Variants in USP6 observed in about 807,000 individuals in gnomAD.
USP6 encodes ubiquitin carboxyl-terminal hydrolase 6.
Under a neutral mutation model 175.7 loss-of-function variants are expected in USP6, and 128 were observed. The observed-to-expected ratio is 0.73, with a 90% confidence interval of 0.63 to 0.84. The LOEUF is 0.84. USP6 is among the 40% of genes least tolerant of loss of function. The pLI is 0.00. For synonymous variants in USP6, 562 were observed against 630.6 expected, an observed-to-expected ratio of 0.89 and a Z score of 1.63; for missense variants, 1,498 against 1,760.3, an observed-to-expected ratio of 0.85 and a Z score of 2.67.
Position 5,132,531 on chromosome 17 carries a change from G to C in USP6, c.195+96G>C. 6.2e-7 allele frequency: 1 copy of C among 1,601,544 alleles called. No homozygotes were observed. On this transcript the variant is annotated intron_variant, in intron 12 of 37. Coordinates refer to ENST00000574788, the MANE Select transcript of USP6 (RefSeq NM_001304284.2). The surrounding 1 kb of genome is among the most constrained non-coding windows in gnomAD (Gnocchi z 4.7). ...GAAGCAGCTGGCCTGGGCGGTGGCGGGTGAGGGCAACACGCTGTCACTGGG... is the reference window on the plus strand; with the variant it reads ...GAAGCAGCTGGCCTGGGCGGTGGCGCGTGAGGGCAACACGCTGTCACTGGG...
intron 31 of USP6, among the ~76,000 whole-genome samples, chr17:5,160,587 A>G (rs2073985151): frequency 6.6e-6 from 1 of 152,244 alleles, no homozygotes; most frequent in Non-Finnish European, 1.5e-5. Flanking sequence ...AAGTTACTCC[A>G]TGGTGTATAT....
rs147581188 is a variant in USP6 at position 5,132,920 on chromosome 17, G to A, written c.206G>A (p.Arg69Gln). ...VTAREAKKIR[R>Q]EMTRTSKWME... ...TGCCTCATTTGACAGAAAATTCGGC[G>A]GGAGATGACACGAACGAGCAAGTGG... Residue 69 changes from arginine to glutamine, a missense_variant, in exon 13 of 38, where the codon CGG becomes CAG. By Grantham distance (43) the Arg-to-Gln change is conservative. Coordinates refer to ENST00000574788, the MANE Select transcript of USP6 (RefSeq NM_001304284.2). The surrounding 1 kb of genome is among the most constrained non-coding windows in gnomAD (Gnocchi z 4.7). 2.6e-5 allele frequency: 42 copies of A among 1,614,018 alleles called. No homozygotes were observed. The East Asian group carries it at 2.7e-4, about 10-fold the overall frequency.
At chr17:5,130,177 C>T (rs1390908822) in intron 9 of USP6, 88 bp downstream of exon 9, 1 of 597,082 alleles carries the variant, frequency 1.7e-6, no homozygotes, top group African/African-American at 1.9e-5. Flanking sequence ...ATGCCCACCC[C>T]TGCTTGGGGC....
intron 4 of USP6, among the ~76,000 whole-genome samples, chr17:5,122,624 G>A (rs2072720892): frequency 6.6e-6 from 1 of 151,874 alleles, no homozygotes; most frequent in Admixed American, 6.5e-5. Flanking sequence ...GGGCCCTCCC[G>A]GAACGGCCGG....
chr17:5,117,578 A>C (rs534231561), intron 1 of USP6, among the ~76,000 whole-genome samples: 1 of 152,088 alleles, frequency 6.6e-6, no homozygotes, highest in Non-Finnish European at 1.5e-5. Context: ...GGGTCGCATC[A>C]GAATATATAT....
intron 5 of USP6, 143 bp from the exon 6 acceptor site, chr17:5,125,678 G>GCGCACACACACACACA (rs1344445678): frequency 7.3e-6 from 1 of 137,592 alleles, no homozygotes; most frequent in African/African-American, 2.8e-5. Flanking sequence ...ACACGCACAT[G>GCGCACACACACACACA]CACACACACA....
rs1360101634 is a variant in USP6, at chr17:5,130,624, AG to A, written c.97del (p.Asp33ThrfsTer27). On this transcript the variant is annotated frameshift_variant, in exon 11 of 38. Transcript: ENST00000574788. LOFTEE classifies it high-confidence loss of function. ...CAGGGACACCGAGCTGGGCTGCCAG[AG>A]GACAAGGGGCCTGAGCCCGTTGGAA... ...YDKGHRAGLP[E>X]DKGPEPVGIN... is the part of the protein sequence containing the mutation. 1 of 1,613,908 alleles carries A rather than the reference AG, an allele frequency of 6.2e-7. No individual in the cohort carries two copies. Among genetic ancestry groups the A allele is most frequent in the Non-Finnish European group, 8.5e-7 (1 of 1,179,842 alleles).
In USP6 at chr17:5,122,546, G is replaced by C. The variant is rs559730038; in HGVS notation, c.-1299+796G>C. Among the ~76,000 whole-genome samples the C allele has an allele frequency of 3.4e-3, 524 of 152,344 alleles. 5 individuals are homozygous for C. The highest frequency in any genetic ancestry group is 0.012 in the African/African-American group (503 of 41,584). On this transcript the variant is annotated intron_variant, in intron 4 of 37. Transcript: ENST00000574788. Reference sequence around the variant, plus strand: ...TAGTTCCTTGGCCCGCGTGCCACCCGGGAGGCCGAACCGGCCCCAGCCCTG... The same window carrying C: ...TAGTTCCTTGGCCCGCGTGCCACCCCGGAGGCCGAACCGGCCCCAGCCCTG...
chr17:5,116,922 A>C (rs1382402372), intron 1 of USP6, among the ~76,000 whole-genome samples, 182 bp downstream of exon 1: 3 of 152,248 alleles, frequency 2.0e-5, no homozygotes, highest in African/African-American at 7.2e-5. Context: ...CAATCTTCAC[A>C]GAGGGAACAG....
At chr17:5,153,661 TC>T (rs1384852195) in intron 30 of USP6, among the ~76,000 whole-genome samples, 4 of 150,494 alleles carry the variant, frequency 2.7e-5, no homozygotes, top group African/African-American at 9.7e-5. Flanking sequence ...CCTTTCTTTT[TC>T]TTTTTTTTTT....
chr17:5,135,261 G>A lies in USP6; in HGVS notation c.522G>A (p.Leu174=), dbSNP rs201055331. 6.2e-7 allele frequency: 1 copy of A among 1,612,826 alleles called. No homozygotes were observed. The highest frequency in any genetic ancestry group is 8.5e-7 in the Non-Finnish European group (1 of 1,179,136). ...AKQRELFYIL[L]AYSEYNPEVG... ...AGAGGGAACTATTCTACATCCTCCT[G>A]GCCTATTCGGAGTATAACCCGGTGA... The change falls in exon 16 of 38, where the codon CTG becomes CTA. Residue 174 remains leucine, a synonymous_variant. Coordinates refer to ENST00000574788, the MANE Select transcript of USP6 (RefSeq NM_001304284.2).
rs760739101 is a variant in USP6, at chr17:5,147,124, C to T, written c.2361C>T (p.Ser787=). The change falls in exon 29 of 38, where the codon AGC becomes AGT. Residue 787 remains serine (S), a synonymous_variant. Transcript: ENST00000574788. ...QDNQKVQLSV[S]GFLCAFEIPV... is the part of the protein sequence containing the mutation. Reference sequence around the variant, plus strand: ...ACCAAAAAGTACAACTCTCAGTGAGCGGATTTTTGTGTGCATTTGAAATTC... The same window carrying T: ...ACCAAAAAGTACAACTCTCAGTGAGTGGATTTTTGTGTGCATTTGAAATTC... 27 of 1,613,504 alleles carry T rather than the reference C, an allele frequency of 1.7e-5. 1 individual carries two copies. Among genetic ancestry groups the T allele is most frequent in the African/African-American group, 9.3e-5 (7 of 74,874 alleles).
intron 25 of USP6, among the ~76,000 whole-genome samples, chr17:5,144,123 A>C (rs2073537168): frequency 6.6e-6 from 1 of 152,188 alleles, no homozygotes; most frequent in South Asian, 2.1e-4. Flanking sequence ...GCCAGGCACT[A>C]TTCTAATTAA....
intron 36 of USP6, 139 bp downstream of exon 36, chr17:5,171,054 A>C (rs2074206252): frequency 8.8e-7 from 1 of 1,132,626 alleles, no homozygotes; most frequent in Admixed American, 2.5e-5. Flanking sequence ...TAACATTGAA[A>C]TCTGGGCTCA....
At position 5,173,000 on chromosome 17, in the gene USP6, A is replaced by T. The variant is rs1167001260; in HGVS notation, c.*22A>T. On this transcript the variant is annotated 3_prime_UTR_variant, in exon 38 of 38. Coordinates refer to ENST00000574788, the MANE Select transcript of USP6 (RefSeq NM_001304284.2). ...GTAAAGCTACCACTCTGGCTGCTAG[A>T]CAGCTTGGTGGCGAGGGAGATGACT... 6.2e-7 allele frequency: 1 copy of T among 1,610,292 alleles called. No individual in the cohort carries two copies. The highest frequency in any genetic ancestry group is 8.5e-7 in the Non-Finnish European group (1 of 1,176,906).
chr17:5,127,232 C>A (rs6502845), intron 6 of USP6, among the ~76,000 whole-genome samples: 119,094 of 151,976 alleles, frequency 0.78, 47,594 homozygotes, highest in African/African-American at 0.85. Context: ...TGGGCTCCGC[C>A]GCCCCTAGTC....
chr17:5,136,229 C>T (rs1476288111), intron 17 of USP6, among the ~76,000 whole-genome samples: 3 of 152,228 alleles, frequency 2.0e-5, no homozygotes, highest in Non-Finnish European at 2.9e-5. Context: ...CCTGAGGGTC[C>T]TCCTGCCCTC....
At chr17:5,146,811 T>C (rs1220622903) in intron 28 of USP6, among the ~76,000 whole-genome samples, 2 of 152,210 alleles carry the variant, frequency 1.3e-5, no homozygotes, top group African/African-American at 4.8e-5. Context: ...GGTTGGAATT[T>C]AGATCCCTGA....
rs1451475733 is a variant in USP6 at position 5,139,490 on chromosome 17, T to C, written c.1314T>C (p.Ala438=). ...GTQGVPSLAL[A]QGGPQGSWRF... ...AGGGTGTGCCCAGCCTGGCCCTGGC[T>C]CAGGGAGGACCTCAGGGTTCCTGGA... The change falls in exon 22 of 38, where the codon GCT becomes GCC. Residue 438 remains alanine, a synonymous_variant. Coordinates refer to ENST00000574788, the MANE Select transcript of USP6 (RefSeq NM_001304284.2). 1 of 1,613,384 alleles carries C rather than the reference T, an allele frequency of 6.2e-7. No homozygotes were observed. The highest frequency in any genetic ancestry group is 1.3e-5 in the African/African-American group (1 of 74,904).
Sources: allele counts gnomAD v4.1 joint callset (sites outside exome capture counted in the v4.1 genomes callset), GRCh38; gene constraint gnomAD v4.1.1; non-coding constraint Gnocchi (gnomAD v3.1); transcripts MANE v1.5; gene names NCBI Gene and HGNC (gene_info 2026-07-23, HGNC 2026-07-21).